Variants in IVNS1ABP observed in about 807,000 individuals in gnomAD.
IVNS1ABP encodes the protein influenza virus NS1A binding protein.
In IVNS1ABP, 25 loss-of-function variants were observed where a neutral mutation model predicts 78.9. The observed-to-expected ratio is 0.32, with a 90% CI of 0.23 to 0.44. The LOEUF (loss-of-function observed/expected upper bound fraction) is 0.44. IVNS1ABP is among the 20% of genes least tolerant of loss of function. IVNS1ABP has a pLI of 1.00. For missense variants in IVNS1ABP, 494 were observed against 768.9 expected, an observed-to-expected ratio of 0.64 and a Z score of 4.23; for synonymous variants, 241 against 259.7, an observed-to-expected ratio of 0.93 and a Z score of 0.69.
intron 5 of IVNS1ABP, 49 bp from the exon 6 acceptor site, chr1:185,307,711 A>G: frequency 1.9e-6 from 3 of 1,546,410 alleles, no homozygotes; most frequent in Non-Finnish European, 2.7e-6. Context: ...CTTTTATTCA[A>G]CAAATATTTA....
intron 1 of IVNS1ABP, among the ~76,000 whole-genome samples, chr1:185,314,806 A>G (rs959583914): frequency 6.6e-6 from 1 of 152,224 alleles, no homozygotes; most frequent in Non-Finnish European, 1.5e-5. Context: ...TCCTTATTAA[A>G]ATCAATTACC....
At position 185,305,290 on chromosome 1, in the gene IVNS1ABP, C is replaced by G. The variant is rs1252342844; in HGVS notation, c.765+246G>C. Among the ~76,000 whole-genome samples, 1 of 152,084 alleles carries G rather than the reference C, an allele frequency of 6.6e-6. No individual in the cohort carries two copies. Among genetic ancestry groups the G allele is most frequent in the African/African-American group, 2.4e-5 (1 of 41,420 alleles). ...TTCTATATTGTTCCATCTTATTGGC[C>G]TTTACTGTTTGTAATTCCTGCTTTA... On this transcript the variant is annotated intron_variant, in intron 8 of 14. Coordinates refer to ENST00000367498, the MANE Select transcript of IVNS1ABP (RefSeq NM_006469.5). The surrounding 1 kb of genome is among the most constrained non-coding windows in gnomAD (Gnocchi z 4.0).
intron 6 of IVNS1ABP, 142 bp from the exon 7 acceptor site, chr1:185,307,281 A>G: frequency 8.6e-7 from 1 of 1,165,218 alleles, no homozygotes; most frequent in East Asian, 2.5e-5. Context: ...AGGAATTTGT[A>G]AGGAACCAGG....
chr1:185,306,773 C>T (rs1273955274), intron 7 of IVNS1ABP: 2 of 681,748 alleles, frequency 2.9e-6, no homozygotes, highest in Admixed American at 4.0e-5. Flanking sequence ...TTACATGCTA[C>T]TTTAAAGAAA....
intron 8 of IVNS1ABP, among the ~76,000 whole-genome samples, chr1:185,303,044 C>CTTA (rs890866156): frequency 5.9e-5 from 9 of 151,912 alleles, no homozygotes; most frequent in African/African-American, 1.9e-4. Flanking sequence ...TAAGGTTAGA[C>CTTA]TTATCTAACC....
chr1:185,307,265 G>C, intron 6 of IVNS1ABP, 126 bp from the exon 7 acceptor site: 1 of 1,239,932 alleles, frequency 8.1e-7, no homozygotes, highest in South Asian at 1.4e-5. Flanking sequence ...TAATTTGTAA[G>C]GAACCAGGAA....
In IVNS1ABP at chr1:185,298,574, G is replaced by A. The variant is rs2102810934; in HGVS notation, c.1676-286C>T. ...AAGTACAATTTTCACCAACTCTGTGGTAGTTACTATTATTATTTCAGAGAA... is the reference window on the plus strand; with the variant it reads ...AAGTACAATTTTCACCAACTCTGTGATAGTTACTATTATTATTTCAGAGAA... On this transcript the variant is annotated intron_variant, in intron 14 of 14. Transcript: ENST00000367498. The surrounding 1 kb of genome is among the most constrained non-coding windows in gnomAD (Gnocchi z 4.1). 2.4e-6 allele frequency: 1 copy of A among 413,142 alleles called. No individual in the cohort carries two copies. The highest frequency in any genetic ancestry group is 4.2e-5 in the Admixed American group (1 of 23,530). 25.6% of individuals were successfully genotyped at this position (413,142 alleles called of 1,614,324 possible). A position where few individuals can be genotyped will look rare whatever the true frequency, so the allele number is the denominator to read the frequency against.
intron 1 of IVNS1ABP, among the ~76,000 whole-genome samples, chr1:185,313,396 C>T (rs1665936405): frequency 6.6e-6 from 1 of 152,092 alleles, no homozygotes; most frequent in Non-Finnish European, 1.5e-5. Flanking sequence ...ATTTTAAAAG[C>T]CAGCCCAAAT....
At chr1:185,316,882 C>T in intron 1 of IVNS1ABP, 71 bp downstream of exon 1, 1 of 397,660 alleles carries the variant, frequency 2.5e-6, no homozygotes, top group Non-Finnish European at 4.4e-6. Flanking sequence ...TCCGCCGGCG[C>T]CATCCCTTCT....
chr1:185,300,107 A>C lies in IVNS1ABP; in HGVS notation c.1393T>G (p.Leu465Val). The change falls in exon 13 of 15, where the codon TTA becomes GTA. Residue 465 changes from leucine to valine, a missense_variant. Transcript: ENST00000367498. ...NAGVCALNGK[L>V]YIVGGSDPYG... is the part of the protein sequence containing the mutation. ...GGATCAGAGCCACCAACGATGTATAACTTTCCATTCAGAGCACACACTCCT... is the reference window on the plus strand; with the variant it reads ...GGATCAGAGCCACCAACGATGTATACCTTTCCATTCAGAGCACACACTCCT... 6.2e-7 allele frequency: 1 copy of C among 1,613,384 alleles called. No homozygotes were observed. The highest frequency in any genetic ancestry group is 8.5e-7 in the Non-Finnish European group (1 of 1,179,592).
chr1:185,309,040 C>T lies in IVNS1ABP; in HGVS notation c.244G>A (p.Ala82Thr). The T allele has an allele frequency of 6.2e-7, 1 of 1,612,518 alleles. No individual in the cohort carries two copies. Among genetic ancestry groups the T allele is most frequent in the Non-Finnish European group, 8.5e-7 (1 of 1,179,330 alleles). The change falls in exon 4 of 15, where the codon GCT (alanine) becomes ACT (threonine). Residue 82 changes from alanine to threonine, a missense_variant. By Grantham distance (58) the Ala-to-Thr change is moderately conservative. Coordinates refer to ENST00000367498, the MANE Select transcript of IVNS1ABP (RefSeq NM_006469.5). ...GCATAATTCAACAAGACTTCAACAG[C>T]TTCTGGATTGAGATCATCAAATTTA... The part of the protein sequence containing the change: ...HVKFDDLNPE[A>T]VEVLLNYAYT...
chr1:185,316,370 A>C (rs926704275), intron 1 of IVNS1ABP, among the ~76,000 whole-genome samples: 6 of 152,072 alleles, frequency 3.9e-5, no homozygotes, highest in African/African-American at 1.2e-4. Context: ...AAAAGCGGGC[A>C]ACGTGGAGCG....
In IVNS1ABP at chr1:185,305,762, A is replaced by G. The variant is rs1571744208; in HGVS notation, c.658-119T>C. On this transcript the variant is annotated intron_variant, in intron 7 of 14. Transcript: ENST00000367498. This position sits in a 1 kb window ranked among gnomAD's most constrained non-coding sequence, Gnocchi z 4.0. ...GTGTGCTTCTTGAGCTTCTTGACATATTACTCTGGCAGGATCCGGAGGTAA... is the reference window on the plus strand; with the variant it reads ...GTGTGCTTCTTGAGCTTCTTGACATGTTACTCTGGCAGGATCCGGAGGTAA... 8.9e-7 allele frequency: 1 copy of G among 1,123,552 alleles called. No homozygotes were observed. The highest frequency in any genetic ancestry group is 1.2e-6 in the Non-Finnish European group (1 of 804,978). The allele number at this position is 1,123,552 out of a possible 1,614,324, so 69.6% of individuals were successfully genotyped here.
chr1:185,307,376 A>G, intron 6 of IVNS1ABP, 113 bp downstream of exon 6: 2 of 950,470 alleles, frequency 2.1e-6, no homozygotes, highest in Non-Finnish European at 1.6e-6. Context: ...AAGAATAACA[A>G]TATAATTTCA....
chr1:185,304,189 T>C (rs1315757620), intron 8 of IVNS1ABP, among the ~76,000 whole-genome samples: 2 of 152,094 alleles, frequency 1.3e-5, no homozygotes, highest in Non-Finnish European at 2.9e-5. Flanking sequence ...CTACCTCTTA[T>C]AAGCCTGTAT....
intron 7 of IVNS1ABP, 127 bp downstream of exon 7, chr1:185,306,887 G>A: frequency 9.7e-7 from 1 of 1,034,646 alleles, no homozygotes; most frequent in Non-Finnish European, 1.4e-6. Flanking sequence ...TCTCAGCTTA[G>A]GGGTACCTAT....
chr1:185,300,174 T>A (rs372979937), intron 12 of IVNS1ABP, 43 bp downstream of exon 12: 2 of 1,604,770 alleles, frequency 1.2e-6, no homozygotes, highest in African/African-American at 2.7e-5. Flanking sequence ...AATTTAATTA[T>A]CATATTTAAA....
chr1:185,314,128 G>T (rs1665954031), intron 1 of IVNS1ABP, among the ~76,000 whole-genome samples: 2 of 152,286 alleles, frequency 1.3e-5, no homozygotes, highest in Admixed American at 6.5e-5. Flanking sequence ...TTAAAGGAAA[G>T]ACTTTATAAT....
chr1:185,308,898 A>G (rs766241734), intron 4 of IVNS1ABP, 23 bp from the exon 5 acceptor site: 22 of 1,591,504 alleles, frequency 1.4e-5, no homozygotes, highest in Admixed American at 1.8e-5. Flanking sequence ...AAAGTTACTT[A>G]TGATACCAAA....
Sources: allele counts gnomAD v4.1 joint callset (sites outside exome capture counted in the v4.1 genomes callset), GRCh38; gene constraint gnomAD v4.1.1; non-coding constraint Gnocchi (gnomAD v3.1); transcripts MANE v1.5; gene names NCBI Gene and HGNC (gene_info 2026-07-23, HGNC 2026-07-21).